Variants in DDX10 observed in about 807,000 individuals in gnomAD.
DDX10 encodes probable ATP-dependent RNA helicase DDX10.
DDX10 carries 74 observed loss-of-function variants against 104.3 expected under a neutral mutation model. The observed-to-expected ratio is 0.71, with a 90% CI of 0.59 to 0.86. DDX10 has a LOEUF of 0.86. Among genes scored for constraint, DDX10 ranks in the 40% least tolerant of loss-of-function variants. DDX10 has a pLI of 0.00. For synonymous variants in DDX10, 351 were observed against 353.4 expected, an observed-to-expected ratio of 0.99 and a Z score of 0.08; for missense variants, 952 against 1,040.0, an observed-to-expected ratio of 0.92 and a Z score of 1.16.
At chr11:108,883,362 C>G (rs1863252155) in intron 16 of DDX10, among the ~76,000 whole-genome samples, 2 of 152,092 alleles carry the variant, frequency 1.3e-5, no homozygotes, top group East Asian at 3.9e-4. Context: ...TGTGCCTTTC[C>G]ATCTGTTACC....
intron 11 of DDX10, among the ~76,000 whole-genome samples, chr11:108,717,334 A>G (rs2094292768): frequency 6.6e-6 from 1 of 152,186 alleles, no homozygotes; most frequent in Non-Finnish European, 1.5e-5. Context: ...TTTGATACGC[A>G]GTTTCGCTTT....
chr11:108,736,755 C>T lies in DDX10; in HGVS notation c.1965+13293C>T, dbSNP rs192115097. 4.3e-3 allele frequency among the ~76,000 whole-genome samples: 661 copies of T among 152,288 alleles called. 6 individuals carry two copies. Among genetic ancestry groups the T allele is most frequent in the Non-Finnish European group, 3.1e-3 (208 of 68,012 alleles). On this transcript the variant is annotated intron_variant, in intron 13 of 17. Transcript: ENST00000322536. ...CAGCAAGAAGGCTCATACCAGATGT[C>T]AAATGCTGGTGCCCTGGTCTTGGAC...
At chr11:108,898,136 A>AG (rs1863465275) in intron 16 of DDX10, among the ~76,000 whole-genome samples, 3 of 152,140 alleles carry the variant, frequency 2.0e-5, no homozygotes, top group South Asian at 4.1e-4. Flanking sequence ...CAAATTTGTG[A>AG]GGGGGCTGCC....
chr11:108,674,005 CT>C (rs1212538227), intron 2 of DDX10, among the ~76,000 whole-genome samples: 2 of 152,070 alleles, frequency 1.3e-5, no homozygotes, highest in Non-Finnish European at 2.9e-5. Flanking sequence ...CTCTTGCTGC[CT>C]TTTTATTTTT....
intron 6 of DDX10, among the ~76,000 whole-genome samples, chr11:108,685,081 AT>A (rs1565246153): frequency 6.8e-6 from 1 of 146,726 alleles, no homozygotes; most frequent in East Asian, 2.0e-4. Flanking sequence ...GTTTGAGTTC[AT>A]TGTAGATTCT....
At chr11:108,753,984 A>G (rs904598402) in intron 13 of DDX10, among the ~76,000 whole-genome samples, 13 of 152,170 alleles carry the variant, frequency 8.5e-5, no homozygotes, top group Non-Finnish European at 1.8e-4. Context: ...TTCCCTTTAA[A>G]AAAGTGAATC....
In DDX10 at chr11:108,706,751, T is replaced by G. The variant is rs149047886; in HGVS notation, c.1236T>G (p.Asp412Glu). Residue 412 changes from aspartate to glutamate, a missense_variant, in exon 10 of 18, where the codon GAT becomes GAG. This residue lies in a region of DDX10 where 7 missense variants were observed against 26.7 expected (regional missense o/e 0.26). Transcript: ENST00000322536. ...RAGRTARYKEDGEALLILLPS... is the reference protein window; with the variant it reads ...RAGRTARYKEEGEALLILLPS... ...TCTTTTTGTTTAGGTACAAAGAGGA[T>G]GGTGAAGCTTTGCTAATTTTGCTAC... is the stretch of plus-strand genomic sequence containing the variant. 2.1e-3 allele frequency: 3,409 copies of G among 1,613,712 alleles called. 13 individuals are homozygous for G. Among genetic ancestry groups the G allele is most frequent in the Non-Finnish European group, 2.5e-3 (2,970 of 1,179,630 alleles).
chr11:108,668,687 A>T lies in DDX10; in HGVS notation c.186+3348A>T, dbSNP rs190651443. Among the ~76,000 whole-genome samples the T allele has an allele frequency of 5.9e-5, 9 of 152,270 alleles. No individual in the cohort carries two copies. In the East Asian group the frequency reaches 1.5e-3, roughly 26 times the overall value. On this transcript the variant is annotated intron_variant, in intron 1 of 17. Transcript: ENST00000322536. ...TTCCGAAACCTTTTAAAACAATTTG[A>T]CAGGCACTTGTCTAGGCGGGTGTGA... is the stretch of plus-strand genomic sequence containing the variant.
At chr11:108,926,420 T>G (rs1863909702) in intron 17 of DDX10, among the ~76,000 whole-genome samples, 1 of 152,228 alleles carries the variant, frequency 6.6e-6, no homozygotes, top group Admixed American at 6.5e-5. Context: ...AGTGGTATGA[T>G]GTGCAGTCTT....
intron 13 of DDX10, among the ~76,000 whole-genome samples, chr11:108,783,932 T>G (rs1004463207): frequency 1.3e-5 from 2 of 152,218 alleles, no homozygotes; most frequent in African/African-American, 4.8e-5. Context: ...TTTTCTGTTC[T>G]TGCATAAATT....
chr11:108,846,439 C>T (rs1416765000), intron 15 of DDX10, among the ~76,000 whole-genome samples: 4 of 152,232 alleles, frequency 2.6e-5, no homozygotes, highest in African/African-American at 4.8e-5. Context: ...AAGCCTTCCA[C>T]CCAGTCCTTT....
intron 17 of DDX10, chr11:108,922,260 AAAAAAGAGAG>A (rs1863842351): frequency 9.5e-6 from 1 of 105,686 alleles, no homozygotes; most frequent in African/African-American, 3.3e-5. Context: ...AAAAAAAAAA[AAAAAAGAGAG>A]AGAGAGAGAG....
intron 13 of DDX10, among the ~76,000 whole-genome samples, chr11:108,798,271 G>A (rs1861973332): frequency 6.6e-6 from 1 of 152,068 alleles, no homozygotes; most frequent in Admixed American, 6.6e-5. Flanking sequence ...GAATTTTTCT[G>A]ATCTTTTCTG....
chr11:108,692,972 G>A (rs1194188986), intron 8 of DDX10, among the ~76,000 whole-genome samples: 5 of 152,164 alleles, frequency 3.3e-5, no homozygotes, highest in African/African-American at 4.8e-5. Flanking sequence ...AGGTATACAT[G>A]TGCCATGGTG....
chr11:108,724,623 G>A (rs2094302878), intron 13 of DDX10, among the ~76,000 whole-genome samples: 1 of 152,002 alleles, frequency 6.6e-6, no homozygotes, highest in Non-Finnish European at 1.5e-5. Flanking sequence ...AATACAAGAA[G>A]TTAGATTTTC....
chr11:108,834,997 CAA>C (rs1862534663), intron 13 of DDX10, among the ~76,000 whole-genome samples: 1 of 142,840 alleles, frequency 7.0e-6, no homozygotes, highest in African/African-American at 2.6e-5. Flanking sequence ...GAGTCAGTAA[CAA>C]AGTCACCAGC....
At chr11:108,814,557 A>G (rs1437653942) in intron 13 of DDX10, among the ~76,000 whole-genome samples, 4 of 152,202 alleles carry the variant, frequency 2.6e-5, no homozygotes, top group Non-Finnish European at 5.9e-5. Flanking sequence ...TGAATGCAAT[A>G]AAAATGTAAA....
chr11:108,863,640 G>T (rs1196402392), intron 16 of DDX10, among the ~76,000 whole-genome samples: 1 of 152,198 alleles, frequency 6.6e-6, no homozygotes, highest in Admixed American at 6.5e-5. Context: ...AGTTGTGCAT[G>T]TCTGAATTCT....
chr11:108,851,057 A>C (rs1359071672), intron 15 of DDX10, among the ~76,000 whole-genome samples: 7 of 152,190 alleles, frequency 4.6e-5, no homozygotes, highest in Non-Finnish European at 1.0e-4. Context: ...TGGACAAAGA[A>C]ATTTTTATGA....
Sources: allele counts gnomAD v4.1 joint callset (sites outside exome capture counted in the v4.1 genomes callset), GRCh38; gene constraint gnomAD v4.1.1; regional missense constraint gnomAD v4.1.1; transcripts MANE v1.5; gene names NCBI Gene and HGNC (gene_info 2026-07-23, HGNC 2026-07-21).